The following TTBK1 variants were observed in gnomAD, a reference collection of about 807,000 sequenced individuals.
TTBK1 encodes tau-tubulin kinase 1.
A neutral mutation model predicts 108.5 loss-of-function variants in TTBK1; 34 were observed. The observed-to-expected ratio is 0.31, with a 90% confidence interval of 0.24 to 0.42. The LOEUF (loss-of-function observed/expected upper bound fraction) is 0.42. TTBK1 is among the 10% of genes least tolerant of loss of function. The pLI is 1.00. For synonymous variants in TTBK1, 809 were observed against 795.1 expected (o/e 1.02, Z -0.29); for missense variants, 1,539 against 1,826.0 (o/e 0.84, Z 2.86).
chr6:43,251,936 C>CAA (rs750401360), intron 2 of TTBK1, among the ~76,000 whole-genome samples: 16 of 152,274 alleles, frequency 1.1e-4, no homozygotes, highest in Non-Finnish European at 1.8e-4. Context: ...GGGTGGTTGC[C>CAA]AATCCCAGGA....
At chr6:43,270,021 T>G (rs899361444) in intron 13 of TTBK1, 103 of 1,425,130 alleles carry the variant, frequency 7.2e-5, no homozygotes, top group Non-Finnish European at 8.7e-5. Flanking sequence ...CCATGGTTCC[T>G]TCCCAGGACG....
At chr6:43,264,496 C>T (rs1477081377) in intron 13 of TTBK1, among the ~76,000 whole-genome samples, 7 of 152,094 alleles carry the variant, frequency 4.6e-5, no homozygotes, top group East Asian at 1.9e-4. Context: ...ATACAGATTT[C>T]GGGGTTTGGG....
intron 1 of TTBK1, among the ~76,000 whole-genome samples, chr6:43,244,809 C>G (rs1211090224): frequency 6.6e-6 from 1 of 152,204 alleles, no homozygotes; most frequent in Non-Finnish European, 1.5e-5. Flanking sequence ...CCCCCTCCCA[C>G]CAGTTCAATT....
chr6:43,246,220 T>G (rs1425162333), intron 1 of TTBK1, among the ~76,000 whole-genome samples: 1 of 152,174 alleles, frequency 6.6e-6, no homozygotes, highest in African/African-American at 2.4e-5. Context: ...ATGGACATTT[T>G]GTGGCACAGG....
At chr6:43,278,275 T>C (rs1392778599) in intron 13 of TTBK1, among the ~76,000 whole-genome samples, 4 of 152,114 alleles carry the variant, frequency 2.6e-5, no homozygotes, top group Non-Finnish European at 5.9e-5. Context: ...GGAGTAAACA[T>C]GGACTTGGGC....
chr6:43,270,731 C>T (rs541639972), intron 13 of TTBK1: 45 of 985,256 alleles, frequency 4.6e-5, no homozygotes, highest in Non-Finnish European at 5.4e-5. Context: ...TGAGAGGGGC[C>T]TGGGATCCAC....
At chr6:43,280,390 T>A (rs772994403) in intron 13 of TTBK1, among the ~76,000 whole-genome samples, 12 of 151,744 alleles carry the variant, frequency 7.9e-5, no homozygotes, top group Non-Finnish European at 1.5e-4. Context: ...GAGCAGGAGG[T>A]GGGAGGTAGG....
chr6:43,247,029 C>G (rs1263938595), intron 2 of TTBK1, among the ~76,000 whole-genome samples: 1 of 152,078 alleles, frequency 6.6e-6, no homozygotes, highest in East Asian at 1.9e-4. Context: ...CGGAACAACT[C>G]CTGGTTGGAT....
rs1287724193 is a variant in TTBK1, at chr6:43,259,634, A to G, written c.1352A>G (p.Tyr451Cys). 1.9e-6 allele frequency: 3 copies of G among 1,610,232 alleles called. No homozygotes were observed. Among genetic ancestry groups the G allele is most frequent in the South Asian group, 2.2e-5 (2 of 90,136 alleles). Reference sequence around the variant, plus strand: ...ACAACCCCAGTCCGTTCTCTGCGCTACCGGAGGGTGAACAGCCCTGAGTCA... The same window carrying G: ...ACAACCCCAGTCCGTTCTCTGCGCTGCCGGAGGGTGAACAGCCCTGAGTCA... ...SPTTPVRSLR[Y>C]RRVNSPESER... The change falls in exon 12 of 15, where the codon TAC becomes TGC. Residue 451 changes from tyrosine to cysteine, a missense_variant. Tyr to Cys is a radical substitution (Grantham distance 194). Around this residue, in one of 5 missense-constraint regions of TTBK1, gnomAD observed 277 missense variants for 332.4 expected, o/e 0.83. Transcript: ENST00000259750. The surrounding 1 kb of genome is among the most constrained non-coding windows in gnomAD (Gnocchi z 6.7).
chr6:43,278,710 G>C (rs939367804), intron 13 of TTBK1, among the ~76,000 whole-genome samples: 3 of 152,222 alleles, frequency 2.0e-5, no homozygotes, highest in Admixed American at 1.3e-4. Context: ...CTGAGTGAAT[G>C]AACTCAAGAT....
chr6:43,248,971 C>T (rs75379284), intron 2 of TTBK1, among the ~76,000 whole-genome samples: 2,852 of 152,232 alleles, frequency 0.019, 86 homozygotes, highest in African/African-American at 0.066. Context: ...ATCTCAAGAA[C>T]TTACCAAGTA....
At position 43,285,028 on chromosome 6, in the gene TTBK1, C is replaced by G. The variant is rs138979983; in HGVS notation, c.3618C>G (p.Leu1206=). The change falls in exon 15 of 15, where the codon CTC becomes CTG. Residue 1206 remains leucine, a synonymous_variant. Transcript: ENST00000259750. This position sits in a 1 kb window ranked among gnomAD's most constrained non-coding sequence, Gnocchi z 4.7. The stretch of plus-strand genomic sequence containing the variant: ...CAGGGTCGGCCACTGCTGCTGACCT[C>G]CGCCCCAAACAACCTCCTGGCCGCG... ...TPPGSATAAD[L]RPKQPPGRGL... is the part of the protein sequence containing the mutation. 1,956 of 1,516,540 alleles carry G rather than the reference C, an allele frequency of 1.3e-3. 25 individuals are homozygous for G. In the African/African-American group the frequency reaches 0.025, roughly 19 times the overall value. The allele number at this position is 1,516,540 out of a possible 1,614,324, so 93.9% of individuals were successfully genotyped here. A position where few individuals can be genotyped will look rare whatever the true frequency, so the allele number is the denominator to read the frequency against.
intron 9 of TTBK1, 136 bp downstream of exon 9, chr6:43,255,992 C>A: frequency 9.4e-7 from 1 of 1,065,652 alleles, no homozygotes; most frequent in Non-Finnish European, 1.4e-6. Flanking sequence ...TCTAACTGCA[C>A]TAAAGGCATG....
In TTBK1 at chr6:43,252,547, G is replaced by A. The variant is rs558343722; in HGVS notation, c.109-192G>A. Among the ~76,000 whole-genome samples the A allele has an allele frequency of 1.1e-4, 16 of 151,854 alleles. No homozygotes were observed. The South Asian group carries it at 2.9e-3, about 28-fold the overall frequency. ...GAGAGTGAGACGTTTGTTTGAACACGGAAGGCGGAGGTTGCAGTGAGCCGA... is the reference window on the plus strand; with the variant it reads ...GAGAGTGAGACGTTTGTTTGAACACAGAAGGCGGAGGTTGCAGTGAGCCGA... On this transcript the variant is annotated intron_variant, in intron 2 of 14. Coordinates refer to ENST00000259750, the MANE Select transcript of TTBK1 (RefSeq NM_032538.3).
In TTBK1 at chr6:43,276,997, G is replaced by C. The variant is rs1210866068; in HGVS notation, c.1987-5730G>C. ...CTCAGCTCCAAATTGCCAACTTCCG[G>C]GTGGGGATGGAGGGTGTGTAGAAGT... On this transcript the variant is annotated intron_variant, in intron 13 of 14. Transcript: ENST00000259750. The surrounding 1 kb of genome is among the most constrained non-coding windows in gnomAD (Gnocchi z 5.4). 6.6e-6 allele frequency among the ~76,000 whole-genome samples: 1 copy of C among 152,214 alleles called. No homozygotes were observed. The highest frequency in any genetic ancestry group is 1.5e-5 in the Non-Finnish European group (1 of 68,034).
intron 1 of TTBK1, among the ~76,000 whole-genome samples, chr6:43,246,219 T>C (rs1441188295): frequency 6.6e-6 from 1 of 152,138 alleles, no homozygotes; most frequent in Non-Finnish European, 1.5e-5. Flanking sequence ...CATGGACATT[T>C]TGTGGCACAG....
chr6:43,255,171 G>T, intron 7 of TTBK1, 57 bp downstream of exon 7: 1 of 1,215,340 alleles, frequency 8.2e-7, no homozygotes, highest in South Asian at 1.2e-5. Flanking sequence ...AGGTCGGGGT[G>T]CAGTGTGCTG....
intron 12 of TTBK1, 28 bp from the exon 13 acceptor site, chr6:43,262,761 T>C (rs142413956): frequency 2.0e-6 from 3 of 1,511,254 alleles, no homozygotes; most frequent in Non-Finnish European, 1.8e-6. Context: ...GGGCCAGGTA[T>C]TGAGCCCCGT....
rs1303287464 is a variant in TTBK1 at position 43,283,039 on chromosome 6, G to C, written c.2299G>C (p.Glu767Gln). 2 of 1,591,750 alleles carry C rather than the reference G, an allele frequency of 1.3e-6. No homozygotes were observed. The highest frequency in any genetic ancestry group is 2.7e-5 in the African/African-American group (2 of 74,436). The change falls in exon 14 of 15, where the codon GAA becomes CAA. Residue 767 changes from glutamate (E) to glutamine (Q), a missense_variant. Coordinates refer to ENST00000259750, the MANE Select transcript of TTBK1 (RefSeq NM_032538.3). The surrounding 1 kb of genome is among the most constrained non-coding windows in gnomAD (Gnocchi z 8.1). Reference sequence around the variant, plus strand: ...GGAGGAGGAAGAAGAGGAGGAGGAGGAAGAGGAGGAGGAGGCTGCAGCGGC... The same window carrying C: ...GGAGGAGGAAGAAGAGGAGGAGGAGCAAGAGGAGGAGGAGGCTGCAGCGGC... ...EEEEEEEEEE[E>Q]EEEEAAAAVA...
Sources: allele counts gnomAD v4.1 joint callset (sites outside exome capture counted in the v4.1 genomes callset), GRCh38; gene constraint gnomAD v4.1.1; regional missense constraint gnomAD v4.1.1; non-coding constraint Gnocchi (gnomAD v3.1); transcripts MANE v1.5; gene names NCBI Gene and HGNC (gene_info 2026-07-23, HGNC 2026-07-21).